Variants in TPRG1 observed in about 807,000 individuals in gnomAD.
TPRG1 encodes the protein tumor protein p63 regulated 1, also known as tumor protein p63-regulated gene 1 protein.
TPRG1 carries 29 observed loss-of-function variants against 29.3 expected under a neutral mutation model. That is an observed-to-expected ratio of 0.99 (90% CI 0.74 to 1.35). The LOEUF (loss-of-function observed/expected upper bound fraction) is 1.35. Ranked by LOEUF, TPRG1 falls within the 40% of genes most tolerant of loss-of-function variation. The pLI, the probability that TPRG1 is intolerant of heterozygous loss-of-function variation, is 0.00. For missense variants in TPRG1, 327 were observed against 335.0 expected, an observed-to-expected ratio of 0.98 and a Z score of 0.19; for synonymous variants, 130 against 116.8, an observed-to-expected ratio of 1.11 and a Z score of -0.73.
chr3:189,230,672 T>A (rs765702059), intron 3 of TPRG1, among the ~76,000 whole-genome samples: 17 of 152,156 alleles, frequency 1.1e-4, no homozygotes, highest in Admixed American at 2.6e-4. Flanking sequence ...TCTCCTTTTG[T>A]CTGTGTCCCC....
At chr3:189,016,130 A>G (rs1712921619) in intron 3 of TPRG1, among the ~76,000 whole-genome samples, 1 of 152,102 alleles carries the variant, frequency 6.6e-6, no homozygotes, top group Non-Finnish European at 1.5e-5. Flanking sequence ...ACAGGGGTCG[A>G]GATGCCCAAG....
At chr3:189,037,055 T>A (rs576674325) in intron 4 of TPRG1, among the ~76,000 whole-genome samples, 32 of 148,716 alleles carry the variant, frequency 2.2e-4, no homozygotes, top group African/African-American at 7.6e-4. Flanking sequence ...AACAAATATT[T>A]AAAAAAAAAA....
rs187273286 is a variant in TPRG1 at position 189,207,148 on chromosome 3, G to A, written c.-9-228G>A. 1.0e-5 allele frequency: 10 copies of A among 983,838 alleles called. No homozygotes were observed. The Admixed American group carries it at 3.1e-4, about 30-fold the overall frequency. The allele number at this position is 983,838 out of a possible 1,614,324, so 60.9% of individuals were successfully genotyped here. The stretch of plus-strand genomic sequence containing the variant: ...GGGATTAAACTCCTTTTCTCTGTCC[G>A]GAGAGTCTCTCCTTCACTTCTCTGG... On this transcript the variant is annotated intron_variant, in intron 1 of 5. Transcript: ENST00000345063.
chr3:189,224,350 G>A (rs1029636607), intron 3 of TPRG1, among the ~76,000 whole-genome samples: 1 of 152,098 alleles, frequency 6.6e-6, no homozygotes, highest in Non-Finnish European at 1.5e-5. Flanking sequence ...GCGTGGTGAC[G>A]TGGCCTGTAG....
chr3:189,292,235 T>A (rs1394967833), intron 4 of TPRG1, among the ~76,000 whole-genome samples: 3 of 151,576 alleles, frequency 2.0e-5, no homozygotes, highest in Admixed American at 6.6e-5. Flanking sequence ...TTACACAGAA[T>A]AGTCACAGTG....
chr3:189,163,221 C>A (rs1025937277), intron 5 of TPRG1, among the ~76,000 whole-genome samples: 3 of 152,112 alleles, frequency 2.0e-5, no homozygotes, highest in Admixed American at 1.3e-4. Context: ...TGCAGCGAGC[C>A]AAGATGGCAC....
At chr3:189,172,620 A>G (rs543230737) in intron 1 of TPRG1, among the ~76,000 whole-genome samples, 1 of 152,334 alleles carries the variant, frequency 6.6e-6, no homozygotes, top group Non-Finnish European at 1.5e-5. Flanking sequence ...GGCAAACAAA[A>G]GGTGATTATT....
chr3:189,315,278 TTGTGTG>T (rs34255648), intron 5 of TPRG1, among the ~76,000 whole-genome samples: 27,308 of 143,420 alleles, frequency 0.19, 2,446 homozygotes, highest in Middle Eastern at 0.21. Flanking sequence ...CCTGAAAGAA[TTGTGTG>T]TGTGTGTGTG....
intron 1 of TPRG1, among the ~76,000 whole-genome samples, chr3:189,188,082 T>C (rs1731191558): frequency 6.6e-6 from 1 of 152,020 alleles, no homozygotes; most frequent in African/African-American, 2.4e-5. Context: ...GAATTGAACT[T>C]CTGCAGAAGT....
chr3:189,030,050 A>G lies in TPRG1; in HGVS notation c.-463+6104A>G, dbSNP rs886813045. On this transcript the variant is annotated intron_variant, in intron 4 of 10. Transcript: ENST00000433971. ...ATAGCAACACGAAGACAAACTGGGT[A>G]CGGGAGGAGAAACCAGAGGTGTTTC... 2.6e-5 allele frequency among the ~76,000 whole-genome samples: 4 copies of G among 152,208 alleles called. No individual in the cohort carries two copies. The East Asian group carries it at 5.8e-4, about 22-fold the overall frequency.
At chr3:189,163,972 A>G (rs933071725) in intron 5 of TPRG1, among the ~76,000 whole-genome samples, 10 of 90,978 alleles carry the variant, frequency 1.1e-4, no homozygotes, top group Non-Finnish European at 1.6e-4. Context: ...TTTTTTTCAA[A>G]TAAGGTAAAC....
chr3:189,131,184 G>A (rs2108533078), intron 2 of TPRG1, among the ~76,000 whole-genome samples: 1 of 152,160 alleles, frequency 6.6e-6, no homozygotes, highest in Non-Finnish European at 1.5e-5. Context: ...CTGATGGGAG[G>A]GCTCAGGGAG....
chr3:189,313,972 G>A (rs1723094312), intron 5 of TPRG1, among the ~76,000 whole-genome samples: 1 of 152,144 alleles, frequency 6.6e-6, no homozygotes, highest in African/African-American at 2.4e-5. Flanking sequence ...AGATATAAGA[G>A]CCTAAACTAA....
chr3:189,133,299 G>A (rs1723316497), intron 3 of TPRG1, among the ~76,000 whole-genome samples: 1 of 152,180 alleles, frequency 6.6e-6, no homozygotes, highest in African/African-American at 2.4e-5. Context: ...GTTATGGGAA[G>A]ATAATAGTGC....
intron 4 of TPRG1, among the ~76,000 whole-genome samples, chr3:189,073,067 G>A (rs1283332258): frequency 1.3e-5 from 2 of 152,124 alleles, no homozygotes; most frequent in South Asian, 2.1e-4. Context: ...TCCACAATGA[G>A]TACTGGTTTG....
intron 4 of TPRG1, among the ~76,000 whole-genome samples, chr3:189,036,093 A>G (rs1015397595): frequency 1.3e-5 from 2 of 151,884 alleles, no homozygotes; most frequent in African/African-American, 2.4e-5. Context: ...TGCACCTATG[A>G]AAAAAAACAA....
chr3:189,310,572 A>C (rs1489537994), intron 5 of TPRG1, 33 bp downstream of exon 5: 1 of 1,570,206 alleles, frequency 6.4e-7, no homozygotes, highest in South Asian at 1.2e-5. Context: ...CTCTCAGATT[A>C]GCTTTGTTGC....
intron 4 of TPRG1, among the ~76,000 whole-genome samples, chr3:189,307,938 A>G (rs530689532): frequency 1.3e-5 from 2 of 152,292 alleles, no homozygotes; most frequent in Admixed American, 1.3e-4. Context: ...TGACCTTTGC[A>G]GTAGAGGACT....
chr3:189,317,843 T>C (rs529912469), intron 5 of TPRG1, among the ~76,000 whole-genome samples: 1 of 152,306 alleles, frequency 6.6e-6, no homozygotes, highest in East Asian at 1.9e-4. Context: ...CTTGTATGTG[T>C]GTGCATATAT....
Sources: gnomAD v4.1 joint callset for allele counts (sites outside exome capture counted in the v4.1 genomes callset) on GRCh38, gnomAD v4.1.1 for gene constraint, MANE v1.5 for transcripts, NCBI Gene and HGNC (gene_info 2026-07-23, HGNC 2026-07-21) for gene names.